Variants in MED27 observed in about 807,000 individuals in gnomAD.
The protein encoded by MED27 is mediator of RNA polymerase II transcription subunit 27.
In MED27, 30 loss-of-function variants were observed where a neutral mutation model predicts 38.2. That is an observed-to-expected ratio of 0.79 (90% CI 0.59 to 1.07). MED27 has a LOEUF of 1.07. MED27 is among the 50% of genes least tolerant of loss of function. The probability of loss-of-function intolerance (pLI) is 0.00; values close to 1 mark genes in which losing one functional copy is unlikely to be tolerated. For missense variants in MED27, 289 were observed against 397.5 expected (o/e 0.73, Z 2.32); for synonymous variants, 122 against 153.5 (o/e 0.79, Z 1.52).
intron 4 of MED27, among the ~76,000 whole-genome samples, chr9:131,895,148 T>C (rs746852647): frequency 6.6e-6 from 1 of 152,216 alleles, no homozygotes; most frequent in Non-Finnish European, 1.5e-5. Flanking sequence ...CCCAGCTTCA[T>C]GTATTTGGTT....
chr9:131,860,906 C>G lies in MED27; in HGVS notation c.802-234G>C, dbSNP rs1237557824. Among the ~76,000 whole-genome samples, 1 of 152,080 alleles carries G rather than the reference C, an allele frequency of 6.6e-6. No homozygotes were observed. The highest frequency in any genetic ancestry group is 1.5e-5 in the Non-Finnish European group (1 of 68,012). ...GAAGGAGTTTTGAAAACAGAAACCC[C>G]TACTCTCAAAAGCAGGAAGGCCTCC... On this transcript the variant is annotated intron_variant, in intron 7 of 7. Coordinates refer to ENST00000292035, the MANE Select transcript of MED27 (RefSeq NM_004269.4). The surrounding 1 kb of genome is among the most constrained non-coding windows in gnomAD (Gnocchi z 5.8).
At chr9:131,891,477 A>G (rs1297095013) in intron 5 of MED27, among the ~76,000 whole-genome samples, 2 of 152,236 alleles carry the variant, frequency 1.3e-5, no homozygotes, top group East Asian at 1.9e-4. Flanking sequence ...TGGTGGCCAA[A>G]TAAGTTAGGA....
chr9:132,046,147 G>A (rs1367961846), intron 2 of MED27, among the ~76,000 whole-genome samples: 1 of 152,132 alleles, frequency 6.6e-6, no homozygotes, highest in Non-Finnish European at 1.5e-5. Context: ...CAGAACTGAC[G>A]AATCGAGAGA....
chr9:132,016,883 A>T (rs886065884), intron 2 of MED27, among the ~76,000 whole-genome samples: 5 of 152,222 alleles, frequency 3.3e-5, no homozygotes, highest in Non-Finnish European at 7.3e-5. Context: ...GCAGAAATGT[A>T]CGCTAACTGC....
At chr9:131,892,733 G>C (rs980442272) in intron 5 of MED27, among the ~76,000 whole-genome samples, 7 of 152,144 alleles carry the variant, frequency 4.6e-5, no homozygotes, top group African/African-American at 1.4e-4. Flanking sequence ...CAACAGTGTG[G>C]AACCTTCTGG....
At chr9:131,950,273 A>G (rs1443244120) in intron 3 of MED27, among the ~76,000 whole-genome samples, 1 of 152,240 alleles carries the variant, frequency 6.6e-6, no homozygotes, top group Non-Finnish European at 1.5e-5. Flanking sequence ...GAGCTCAGAT[A>G]GATGGTGAAC....
intron 4 of MED27, among the ~76,000 whole-genome samples, chr9:131,909,409 G>C (rs778836770): frequency 4.6e-5 from 7 of 152,206 alleles, no homozygotes; most frequent in African/African-American, 9.6e-5. Context: ...ACTCCTGTGA[G>C]CAGCATTAGT....
At chr9:132,028,506 A>C (rs1302401924) in intron 2 of MED27, among the ~76,000 whole-genome samples, 3 of 148,820 alleles carry the variant, frequency 2.0e-5, no homozygotes, top group East Asian at 3.9e-4. Context: ...TGAACAAATA[A>C]ATTAAAAAAA....
chr9:131,907,102 CTTCT>C (rs1285425116), intron 4 of MED27, among the ~76,000 whole-genome samples: 1 of 152,122 alleles, frequency 6.6e-6, no homozygotes, highest in Non-Finnish European at 1.5e-5. Flanking sequence ...TTTTGGCTGG[CTTCT>C]TTACCACAAC....
intron 6 of MED27, chr9:131,869,004 G>T: frequency 1.0e-6 from 1 of 985,342 alleles, no homozygotes; most frequent in East Asian, 1.1e-4. Context: ...TCCATTGCTG[G>T]TCGGCAATCT....
intron 3 of MED27, among the ~76,000 whole-genome samples, chr9:131,940,284 C>T (rs1830763246): frequency 6.6e-6 from 1 of 152,162 alleles, no homozygotes; most frequent in Non-Finnish European, 1.5e-5. Context: ...ACAATTTTTA[C>T]TTAAATCAGT....
At chr9:131,863,440 T>TG (rs1838684394) in intron 6 of MED27, among the ~76,000 whole-genome samples, 1 of 152,090 alleles carries the variant, frequency 6.6e-6, no homozygotes, top group Non-Finnish European at 1.5e-5. Context: ...CAGAGGCCAG[T>TG]GGGGGCAGAT....
At chr9:132,047,057 T>C (rs956193067) in intron 2 of MED27, among the ~76,000 whole-genome samples, 7 of 152,200 alleles carry the variant, frequency 4.6e-5, no homozygotes, top group Non-Finnish European at 1.5e-5. Context: ...GTATGTGGTG[T>C]GTGTGTATAT....
intron 2 of MED27, among the ~76,000 whole-genome samples, chr9:132,015,692 T>G (rs1832585490): frequency 6.6e-6 from 1 of 152,246 alleles, no homozygotes. Flanking sequence ...CACTCCTTGC[T>G]AAATGAAGTT....
chr9:131,889,260 A>G lies in MED27; in HGVS notation c.681+4625T>C, dbSNP rs1839189846. 6.6e-6 allele frequency among the ~76,000 whole-genome samples: 1 copy of G among 152,224 alleles called. No homozygotes were observed. Among genetic ancestry groups the G allele is most frequent in the African/African-American group, 2.4e-5 (1 of 41,458 alleles). On this transcript the variant is annotated intron_variant, in intron 5 of 7. Coordinates refer to ENST00000292035, the MANE Select transcript of MED27 (RefSeq NM_004269.4). This position sits in a 1 kb window ranked among gnomAD's most constrained non-coding sequence, Gnocchi z 4.2. ...GCTGTCTTTGAAGGTTTCCTTTGAT[A>G]CCACCATTTCTTTTCCTCTCTTATG...
At chr9:132,027,200 G>T (rs180732345) in intron 2 of MED27, among the ~76,000 whole-genome samples, 1 of 152,346 alleles carries the variant, frequency 6.6e-6, no homozygotes, top group Non-Finnish European at 1.5e-5. Flanking sequence ...AGTTAGGACT[G>T]CAGGTTACAA....
intron 2 of MED27, among the ~76,000 whole-genome samples, chr9:132,021,991 ATGGCATTTTATTACAG>A (rs1832726478): frequency 1.3e-5 from 2 of 152,230 alleles, no homozygotes; most frequent in African/African-American, 4.8e-5. Flanking sequence ...ACCCCAGTCT[ATGGCATTTTATTACAG>A]TGGCCTAAAC....
chr9:131,978,582 C>T (rs1260359397), intron 3 of MED27, among the ~76,000 whole-genome samples: 1 of 152,164 alleles, frequency 6.6e-6, no homozygotes, highest in Non-Finnish European at 1.5e-5. Context: ...TTTGAAATAG[C>T]ATAAGGATCT....
intron 3 of MED27, among the ~76,000 whole-genome samples, chr9:131,995,829 T>A (rs1415110732): frequency 6.6e-6 from 1 of 152,196 alleles, no homozygotes; most frequent in Non-Finnish European, 1.5e-5. Context: ...GGTACCATCC[T>A]CCAGGATGCA....
Sources: allele counts gnomAD v4.1 joint callset (sites outside exome capture counted in the v4.1 genomes callset), GRCh38; gene constraint gnomAD v4.1.1; non-coding constraint Gnocchi (gnomAD v3.1); transcripts MANE v1.5; gene names NCBI Gene and HGNC (gene_info 2026-07-23, HGNC 2026-07-21).